TTC28: variants seen among roughly 807,000 people sequenced by gnomAD.
TTC28 encodes tetratricopeptide repeat domain 28.
A neutral mutation model predicts 198.0 loss-of-function variants in TTC28; 61 were observed. The observed-to-expected ratio is 0.31, with a 90% CI of 0.25 to 0.38. TTC28 has a LOEUF of 0.38. Among genes scored for constraint, TTC28 ranks in the 10% least tolerant of loss-of-function variants. The pLI is 1.00. For missense variants in TTC28, 2,678 were observed against 3,164.0 expected, an observed-to-expected ratio of 0.85 and a Z score of 3.69; for synonymous variants, 1,171 against 1,297.8, an observed-to-expected ratio of 0.90 and a Z score of 2.10.
intron 2 of TTC28, among the ~76,000 whole-genome samples, chr22:28,621,940 T>C (rs1467479502): frequency 6.6e-6 from 1 of 152,134 alleles, no homozygotes; most frequent in African/African-American, 2.4e-5. Flanking sequence ...ACTGAAAATA[T>C]ATCACTTTTA....
chr22:28,380,782 G>A (rs140462839), intron 2 of TTC28, among the ~76,000 whole-genome samples: 155 of 152,184 alleles, frequency 1.0e-3, no homozygotes, highest in African/African-American at 3.7e-3. Context: ...TGGATTATCT[G>A]ATAATCTATT....
intron 2 of TTC28, among the ~76,000 whole-genome samples, chr22:28,449,879 C>G (rs528891821): frequency 6.6e-6 from 1 of 152,206 alleles, no homozygotes; most frequent in African/African-American, 2.4e-5. Flanking sequence ...GTCCTAAGAG[C>G]CTGTTTCATG....
At chr22:28,322,455 A>C (rs933884130) in intron 2 of TTC28, among the ~76,000 whole-genome samples, 2 of 152,188 alleles carry the variant, frequency 1.3e-5, no homozygotes, top group African/African-American at 4.8e-5. Context: ...TCAATGACTC[A>C]GGGAGATCAT....
Position 27,978,198 on chromosome 22 carries a change from A to G in TTC28, c.*4023T>C, listed in dbSNP as rs934131377. On this transcript the variant is annotated 3_prime_UTR_variant, in exon 23 of 23. Transcript: ENST00000397906. ...AAGTCCACGTAGGCCAAAGATGGCT[A>G]ACACTGCATATAAGGAACGTGAATG... 6.6e-6 allele frequency: 1 copy of G among 152,224 alleles called. No homozygotes were observed. The highest frequency in any genetic ancestry group is 2.4e-5 in the African/African-American group (1 of 41,456). 9.4% of individuals were successfully genotyped at this position (152,224 alleles called of 1,614,324 possible).
chr22:28,142,490 T>C (rs1206592609), intron 6 of TTC28, among the ~76,000 whole-genome samples: 1 of 152,214 alleles, frequency 6.6e-6, no homozygotes, highest in Non-Finnish European at 1.5e-5. Flanking sequence ...AATCGTGCTC[T>C]GAAATGACTT....
chr22:27,990,202 G>T, intron 20 of TTC28, 195 bp from the exon 21 acceptor site: 3 of 705,846 alleles, frequency 4.3e-6, no homozygotes, highest in Non-Finnish European at 6.3e-6. Context: ...AGCTCATGGG[G>T]CATTGGGGCA....
At chr22:28,554,688 T>C (rs931162850) in intron 2 of TTC28, among the ~76,000 whole-genome samples, 2 of 152,040 alleles carry the variant, frequency 1.3e-5, no homozygotes, top group Middle Eastern at 3.2e-3. Context: ...CTGGCCAACA[T>C]GGTGAAACCC....
At chr22:28,372,103 C>A (rs894384397) in intron 2 of TTC28, among the ~76,000 whole-genome samples, 3 of 151,686 alleles carry the variant, frequency 2.0e-5, no homozygotes, top group African/African-American at 7.3e-5. Context: ...ACCACCTCCC[C>A]GCCTTAAAAA....
intron 6 of TTC28, among the ~76,000 whole-genome samples, chr22:28,145,003 A>G (rs1569161284): frequency 6.6e-6 from 1 of 152,252 alleles, no homozygotes; most frequent in Non-Finnish European, 1.5e-5. Flanking sequence ...CAGCTATGAA[A>G]TAAGTTGAGC....
intron 5 of TTC28, among the ~76,000 whole-genome samples, chr22:28,235,855 G>C (rs1027823268): frequency 6.6e-6 from 1 of 152,192 alleles, no homozygotes; most frequent in Non-Finnish European, 1.5e-5. Context: ...TCGTTAAGTT[G>C]GAACTACAAT....
At chr22:28,613,648 C>T (rs759080662) in intron 2 of TTC28, among the ~76,000 whole-genome samples, 12 of 151,732 alleles carry the variant, frequency 7.9e-5, no homozygotes, top group Non-Finnish European at 1.2e-4. Flanking sequence ...GTTCAACATA[C>T]GCAAATAAAT....
chr22:28,134,145 G>A (rs1281845977), intron 6 of TTC28, among the ~76,000 whole-genome samples: 1 of 152,170 alleles, frequency 6.6e-6, no homozygotes, highest in Non-Finnish European at 1.5e-5. Context: ...TGCAGCTAAG[G>A]GTCCTGAGTG....
chr22:28,086,791 A>G (rs1186336721), intron 12 of TTC28, among the ~76,000 whole-genome samples: 1 of 152,190 alleles, frequency 6.6e-6, no homozygotes, highest in Non-Finnish European at 1.5e-5. Flanking sequence ...AAAAGAGAGA[A>G]GAATCAAATA....
intron 2 of TTC28, among the ~76,000 whole-genome samples, chr22:28,587,372 GTAA>G (rs1462297577): frequency 6.6e-6 from 1 of 152,010 alleles, no homozygotes; most frequent in Non-Finnish European, 1.5e-5. Context: ...TCAAAAAATA[GTAA>G]TAATAATAAT....
chr22:28,546,293 A>AAAATT (rs2049539641), intron 2 of TTC28, among the ~76,000 whole-genome samples: 1 of 152,144 alleles, frequency 6.6e-6, no homozygotes, highest in African/African-American at 2.4e-5. Context: ...TAAAAATACA[A>AAAATT]AAATTAGCCA....
intron 2 of TTC28, among the ~76,000 whole-genome samples, chr22:28,426,390 AAAC>A (rs1012352027): frequency 6.6e-6 from 1 of 152,182 alleles, no homozygotes; most frequent in African/African-American, 2.4e-5. Flanking sequence ...TAACAAAACT[AAAC>A]AATATTTAAA....
At chr22:28,116,192 G>A (rs1424831874) in intron 6 of TTC28, among the ~76,000 whole-genome samples, 2 of 152,054 alleles carry the variant, frequency 1.3e-5, no homozygotes, top group Non-Finnish European at 2.9e-5. Context: ...GCAGTGACGA[G>A]CCCACTGGAA....
intron 2 of TTC28, among the ~76,000 whole-genome samples, chr22:28,461,354 G>A (rs150090124): frequency 3.3e-5 from 5 of 152,112 alleles, no homozygotes; most frequent in South Asian, 2.1e-4. Context: ...CCATTAGACC[G>A]TATGGTCTTG....
chr22:28,480,613 T>C (rs1019515745), intron 2 of TTC28, among the ~76,000 whole-genome samples: 1 of 152,180 alleles, frequency 6.6e-6, no homozygotes, highest in Non-Finnish European at 1.5e-5. Context: ...AGTGTTTCAT[T>C]TGCATACATA....
Sources: gnomAD v4.1 joint callset for allele counts (sites outside exome capture counted in the v4.1 genomes callset) on GRCh38, gnomAD v4.1.1 for gene constraint, MANE v1.5 for transcripts, NCBI Gene and HGNC (gene_info 2026-07-23, HGNC 2026-07-21) for gene names.